The following CSMD2 variants were observed in gnomAD, a reference collection of about 807,000 sequenced individuals.
The protein encoded by CSMD2 is CUB and Sushi multiple domains 2.
CSMD2 carries 130 observed loss-of-function variants against 398.5 expected under a neutral mutation model. That is an observed-to-expected ratio of 0.33 (90% CI 0.28 to 0.38). The LOEUF is 0.38. Ranked by LOEUF, CSMD2 falls within the 10% of genes least tolerant of loss-of-function variation. CSMD2 has a pLI of 1.00. For missense variants in CSMD2, 3,829 were observed against 4,764.9 expected, an observed-to-expected ratio of 0.80 and a Z score of 5.78; for synonymous variants, 1,828 against 1,908.5, an observed-to-expected ratio of 0.96 and a Z score of 1.10.
At chr1:33,762,649 C>A (rs1006975306) in intron 13 of CSMD2, among the ~76,000 whole-genome samples, 1 of 152,210 alleles carries the variant, frequency 6.6e-6, no homozygotes, top group Non-Finnish European at 1.5e-5. Context: ...GTGCTACAAT[C>A]TTCCAAGAAG....
At chr1:34,154,592 A>G (rs1215721281) in intron 1 of CSMD2, among the ~76,000 whole-genome samples, 1 of 152,254 alleles carries the variant, frequency 6.6e-6, no homozygotes, top group Non-Finnish European at 1.5e-5. Context: ...CTCAATGAGC[A>G]TGGTGAGATA....
chr1:33,754,943 C>T (rs888613209), intron 13 of CSMD2, among the ~76,000 whole-genome samples: 1 of 151,554 alleles, frequency 6.6e-6, no homozygotes, highest in Non-Finnish European at 1.5e-5. Flanking sequence ...TTCATGGGTT[C>T]GAGCAGGGTA....
At chr1:33,638,657 C>T (rs1035131447) in intron 29 of CSMD2, among the ~76,000 whole-genome samples, 3 of 152,244 alleles carry the variant, frequency 2.0e-5, no homozygotes, top group Non-Finnish European at 4.4e-5. Context: ...ATAGTCCCCT[C>T]TGTGACCTCA....
chr1:33,710,426 AATGGAT>A (rs1645946112), intron 21 of CSMD2, among the ~76,000 whole-genome samples: 2 of 151,820 alleles, frequency 1.3e-5, no homozygotes, highest in South Asian at 2.1e-4. Flanking sequence ...TGAATGAATG[AATGGAT>A]ATGGAGTACA....
chr1:33,545,929 G>C (rs1656833942), intron 57 of CSMD2, 108 bp downstream of exon 57: 8 of 1,045,966 alleles, frequency 7.6e-6, no homozygotes, highest in Non-Finnish European at 9.8e-6. Context: ...GGTTCAAATG[G>C]GGCCACGGTT....
intron 15 of CSMD2, among the ~76,000 whole-genome samples, chr1:33,732,633 T>C (rs1646757938): frequency 6.6e-6 from 1 of 152,174 alleles, no homozygotes. Context: ...TAAATTTATG[T>C]TGTTTAAGGC....
chr1:33,554,275 C>T (rs921540241), intron 55 of CSMD2, among the ~76,000 whole-genome samples: 3 of 149,510 alleles, frequency 2.0e-5, no homozygotes, highest in Non-Finnish European at 4.4e-5. Context: ...ACTGCAACCT[C>T]CTCCACCTCC....
chr1:34,059,772 T>C (rs573747553), intron 2 of CSMD2, among the ~76,000 whole-genome samples: 1 of 151,370 alleles, frequency 6.6e-6, no homozygotes, highest in South Asian at 2.1e-4. Flanking sequence ...AAAGTCGACA[T>C]TGTCAGTACT....
intron 33 of CSMD2, 107 bp from the exon 34 acceptor site, chr1:33,625,361 AGGCTCTGGAT>A: frequency 9.0e-7 from 1 of 1,105,510 alleles, no homozygotes. Flanking sequence ...AAACCCTGGG[AGGCTCTGGAT>A]GCTCTCCCGT....
intron 3 of CSMD2, among the ~76,000 whole-genome samples, chr1:33,947,878 A>G (rs1487254866): frequency 6.6e-6 from 1 of 152,188 alleles, no homozygotes; most frequent in African/African-American, 2.4e-5. Context: ...TACTGTGCCC[A>G]TTGGACAGGA....
intron 55 of CSMD2, among the ~76,000 whole-genome samples, chr1:33,550,734 T>C (rs1426961034): frequency 1.3e-5 from 2 of 152,220 alleles, no homozygotes; most frequent in African/African-American, 2.4e-5. Context: ...ATTGTCTTCA[T>C]TGGCCAAGGA....
intron 11 of CSMD2, 37 bp downstream of exon 11, chr1:33,792,386 G>A (rs372240211): frequency 1.6e-5 from 23 of 1,464,524 alleles, no homozygotes; most frequent in Middle Eastern, 1.7e-4. Flanking sequence ...CCCAGCCACC[G>A]TCCCACCTTC....
At chr1:33,555,801 A>G (rs1301099547) in intron 55 of CSMD2, among the ~76,000 whole-genome samples, 1 of 152,244 alleles carries the variant, frequency 6.6e-6, no homozygotes. Flanking sequence ...CTTAGATTAT[A>G]CTGGAAAACT....
chr1:33,707,119 A>C (rs552073243), intron 22 of CSMD2, among the ~76,000 whole-genome samples: 1 of 152,136 alleles, frequency 6.6e-6, no homozygotes, highest in Non-Finnish European at 1.5e-5. Context: ...CTTAGGTGCT[A>C]TTCTGAATCT....
intron 1 of CSMD2, among the ~76,000 whole-genome samples, chr1:34,155,098 G>T (rs138358987): frequency 2.0e-5 from 3 of 152,204 alleles, no homozygotes; most frequent in African/African-American, 7.2e-5. Context: ...GGATAGCTTA[G>T]CTTCAGGATT....
chr1:33,978,478 T>G, intron 3 of CSMD2, among the ~76,000 whole-genome samples: 1 of 152,202 alleles, frequency 6.6e-6, no homozygotes. Flanking sequence ...ATGAGCTGTA[T>G]AGACAGCCGT....
intron 3 of CSMD2, among the ~76,000 whole-genome samples, chr1:33,992,027 T>C (rs1646571445): frequency 6.6e-6 from 1 of 151,908 alleles, no homozygotes; most frequent in Non-Finnish European, 1.5e-5. Context: ...AACAATGAGA[T>C]AGCATTATTT....
At chr1:34,035,738 C>CAAA (rs149807105) in intron 2 of CSMD2, among the ~76,000 whole-genome samples, 2 of 119,884 alleles carry the variant, frequency 1.7e-5, no homozygotes, top group Non-Finnish European at 1.8e-5. Flanking sequence ...AGAACATCTA[C>CAAA]AAAAAAAAAA....
rs746103641 is a variant in CSMD2, at chr1:33,617,633, A to T, written c.5828-16T>A. On this transcript the variant is annotated splice_polypyrimidine_tract_variant and intron_variant, in intron 37 of 70. Transcript: ENST00000373381. ...AGGCCCACCGCTAGACAAGACAGAG[A>T]CAGAAGGAAAGGAGAATGGACTAGC... is the stretch of plus-strand genomic sequence containing the variant. 1.1e-5 allele frequency: 17 copies of T among 1,601,192 alleles called. No homozygotes were observed. The highest frequency in any genetic ancestry group is 1.5e-5 in the Non-Finnish European group (17 of 1,168,426).
Sources: allele counts gnomAD v4.1 joint callset (sites outside exome capture counted in the v4.1 genomes callset), GRCh38; gene constraint gnomAD v4.1.1; transcripts MANE v1.5; gene names NCBI Gene and HGNC (gene_info 2026-07-23, HGNC 2026-07-21).